VEZT: variants seen among roughly 807,000 people sequenced by gnomAD.
The protein encoded by VEZT is vezatin, adherens junctions transmembrane protein.
VEZT carries 39 observed loss-of-function variants against 79.9 expected under a neutral mutation model. That is an observed-to-expected ratio of 0.49 (90% CI 0.38 to 0.64). VEZT has a LOEUF of 0.64. Ranked by LOEUF, VEZT falls within the 30% of genes least tolerant of loss-of-function variation. The pLI is 0.00. For synonymous variants in VEZT, 325 were observed against 327.6 expected, an observed-to-expected ratio of 0.99 and a Z score of 0.09; for missense variants, 837 against 893.1, an observed-to-expected ratio of 0.94 and a Z score of 0.80.
chr12:95,244,731 T>C (rs996780933), intron 1 of VEZT, among the ~76,000 whole-genome samples: 4 of 151,684 alleles, frequency 2.6e-5, no homozygotes, highest in African/African-American at 9.7e-5. Context: ...CTCACCTTTT[T>C]AAAAGTCATT....
chr12:95,235,535 C>T (rs1471797974), intron 1 of VEZT, among the ~76,000 whole-genome samples: 2 of 136,950 alleles, frequency 1.5e-5, no homozygotes, highest in Admixed American at 1.4e-4. Flanking sequence ...GCTGGCCGGG[C>T]GGGGGGCTGA....
intron 1 of VEZT, among the ~76,000 whole-genome samples, chr12:95,248,821 CAAAAA>C (rs3080331): frequency 1.9e-5 from 2 of 104,664 alleles, no homozygotes; most frequent in African/African-American, 3.4e-5. Flanking sequence ...GACCCTATCT[CAAAAA>C]AAAAAAAAAA....
chr12:95,268,660 A>G (rs1018319016), intron 5 of VEZT, among the ~76,000 whole-genome samples: 4 of 152,186 alleles, frequency 2.6e-5, no homozygotes, highest in Admixed American at 6.5e-5. Flanking sequence ...ACGAAGAGGT[A>G]AAGTGGGCCA....
intron 5 of VEZT, among the ~76,000 whole-genome samples, chr12:95,268,716 A>T (rs1461674923): frequency 3.3e-5 from 5 of 152,236 alleles, no homozygotes; most frequent in Non-Finnish European, 5.9e-5. Flanking sequence ...ACCCATTCAG[A>T]TGACAGACGA....
chr12:95,281,363 C>T (rs1175931074), intron 7 of VEZT, among the ~76,000 whole-genome samples: 5 of 152,028 alleles, frequency 3.3e-5, no homozygotes, highest in Non-Finnish European at 7.4e-5. Context: ...CTGTGTTTCC[C>T]GCTACTCAGG....
chr12:95,300,206 A>T lies in VEZT; in HGVS notation c.1873A>T (p.Ile625Leu), dbSNP rs2075021335. 1 of 1,554,666 alleles carries T rather than the reference A, an allele frequency of 6.4e-7. No individual in the cohort carries two copies. Residue 625 changes from isoleucine (I) to leucine (L), a missense_variant, in exon 12 of 12, where the codon ATA becomes TTA. Physicochemically the swap from Ile to Leu is conservative, Grantham distance 5. Transcript: ENST00000436874. ...GTCTCCTGTAGACCCAGTGGAACCC[A>T]TAAGTAATTCAGAACCATCAATGAA... ...SLSPVDPVEP[I>L]SNSEPSMNSD...
intron 9 of VEZT, among the ~76,000 whole-genome samples, chr12:95,289,621 A>G (rs2072171978): frequency 6.6e-6 from 1 of 152,152 alleles, no homozygotes. Flanking sequence ...CTTATAGATA[A>G]TAATGATATG....
At chr12:95,253,049 C>T (rs1007146494) in intron 2 of VEZT, among the ~76,000 whole-genome samples, 12 of 152,182 alleles carry the variant, frequency 7.9e-5, no homozygotes, top group African/African-American at 2.9e-4. Flanking sequence ...GGTTACTTAG[C>T]TTGTAAGAGG....
chr12:95,295,004 T>C (rs180835169), intron 10 of VEZT, among the ~76,000 whole-genome samples: 144 of 152,288 alleles, frequency 9.5e-4, no homozygotes, highest in Admixed American at 4.2e-3. Flanking sequence ...GCCAAATCAC[T>C]CAAAAGAACT....
chr12:95,267,298 T>G (rs1018039542), intron 5 of VEZT, among the ~76,000 whole-genome samples: 1 of 152,252 alleles, frequency 6.6e-6, no homozygotes, highest in Non-Finnish European at 1.5e-5. Context: ...CATAGAATTA[T>G]AAATGGTAAA....
intron 4 of VEZT, among the ~76,000 whole-genome samples, 189 bp from the exon 5 acceptor site, chr12:95,266,168 C>T (rs1036317113): frequency 1.3e-5 from 2 of 152,066 alleles, no homozygotes; most frequent in African/African-American, 2.4e-5. Flanking sequence ...TGTCTAGTTG[C>T]GAGGTATTTT....
chr12:95,245,013 A>C (rs2061535689), intron 1 of VEZT, among the ~76,000 whole-genome samples: 1 of 152,100 alleles, frequency 6.6e-6, no homozygotes, highest in South Asian at 2.1e-4. Flanking sequence ...TGGGCGGATC[A>C]TTTGAGGTCA....
At chr12:95,264,889 T>C (rs1188810972) in intron 4 of VEZT, among the ~76,000 whole-genome samples, 5 of 148,276 alleles carry the variant, frequency 3.4e-5, no homozygotes, top group Non-Finnish European at 6.0e-5. Flanking sequence ...TTTTTTTTTT[T>C]TGAGACAAGG....
At chr12:95,283,432 A>G (rs1218397950) in intron 8 of VEZT, among the ~76,000 whole-genome samples, 1 of 152,174 alleles carries the variant, frequency 6.6e-6, no homozygotes, top group Non-Finnish European at 1.5e-5. Context: ...GTTGGTAATC[A>G]GGAAGGTCCT....
intron 7 of VEZT, among the ~76,000 whole-genome samples, chr12:95,282,040 A>G (rs866698929): frequency 7.9e-5 from 12 of 152,008 alleles, no homozygotes; most frequent in South Asian, 2.1e-4. Context: ...CTTTTACTAA[A>G]TTATCTCATT....
intron 1 of VEZT, among the ~76,000 whole-genome samples, chr12:95,232,838 C>T (rs1041654405): frequency 3.3e-5 from 5 of 152,146 alleles, no homozygotes; most frequent in Non-Finnish European, 7.3e-5. Context: ...CAGAGTCTCA[C>T]TCTGTCGCCC....
At position 95,293,883 on chromosome 12, in the gene VEZT, T is replaced by C. The variant is rs564268471; in HGVS notation, c.1523-389T>C. ...GACTATGAAATTGACAAAGTATTAG[T>C]ACCAAGGATTTTTTTGGTTGGGGGA... On this transcript the variant is annotated intron_variant, in intron 9 of 11. Transcript: ENST00000436874. The C allele has an allele frequency of 5.6e-5, 9 of 159,664 alleles. No individual in the cohort carries two copies. In the East Asian group the frequency reaches 1.6e-3, roughly 29 times the overall value. The allele number at this position is 159,664 out of a possible 1,614,324, so 9.9% of individuals were successfully genotyped here.
chr12:95,285,256 A>T (rs941149773), intron 8 of VEZT, among the ~76,000 whole-genome samples: 2 of 151,834 alleles, frequency 1.3e-5, no homozygotes, highest in Non-Finnish European at 2.9e-5. Context: ...CAGCCTAAGC[A>T]ACATGGGAAA....
intron 7 of VEZT, among the ~76,000 whole-genome samples, chr12:95,278,985 G>A (rs752006148): frequency 3.5e-4 from 53 of 152,296 alleles, no homozygotes; most frequent in Admixed American, 9.1e-4. Flanking sequence ...CAGGAGAATC[G>A]CTTGAACCCA....
Sources: allele counts gnomAD v4.1 joint callset (sites outside exome capture counted in the v4.1 genomes callset), GRCh38; gene constraint gnomAD v4.1.1; transcripts MANE v1.5; gene names NCBI Gene and HGNC (gene_info 2026-07-23, HGNC 2026-07-21).